Variants in PTPRD observed in about 807,000 individuals in gnomAD.
PTPRD encodes the protein protein tyrosine phosphatase receptor type D.
A neutral mutation model predicts 214.5 loss-of-function variants in PTPRD; 34 were observed. The ratio of observed to expected loss-of-function variants is 0.16; its 90% CI spans 0.12 to 0.21. The LOEUF (loss-of-function observed/expected upper bound fraction) is 0.21. Among genes scored for constraint, PTPRD ranks in the 10% least tolerant of loss-of-function variants. The probability of loss-of-function intolerance (pLI) is 1.00; values close to 1 mark genes in which losing one functional copy is unlikely to be tolerated. For missense variants in PTPRD, 2,545 were observed against 2,398.7 expected, an observed-to-expected ratio of 1.06 and a Z score of -1.27; for synonymous variants, 1,128 against 845.7, an observed-to-expected ratio of 1.33 and a Z score of -5.79.
chr9:9,189,990 G>A (rs59033848), intron 9 of PTPRD, among the ~76,000 whole-genome samples: 2,205 of 152,060 alleles, frequency 0.015, 37 homozygotes, highest in African/African-American at 0.035. Flanking sequence ...CCCCTTCCTC[G>A]CTCCTGGCAC....
chr9:8,583,463 G>A (rs1355731840), intron 14 of PTPRD, among the ~76,000 whole-genome samples: 3 of 151,984 alleles, frequency 2.0e-5, no homozygotes, highest in African/African-American at 7.3e-5. Flanking sequence ...AGGACAACAG[G>A]CACAAGCCAC....
intron 9 of PTPRD, among the ~76,000 whole-genome samples, chr9:9,336,147 C>T (rs1012997102): frequency 1.3e-5 from 2 of 149,696 alleles, no homozygotes; most frequent in African/African-American, 2.5e-5. Flanking sequence ...GCTTTGTAAC[C>T]GCCTCATAAG....
intron 11 of PTPRD, among the ~76,000 whole-genome samples, chr9:8,905,465 G>T (rs1023662250): frequency 6.6e-6 from 1 of 152,082 alleles, no homozygotes; most frequent in Non-Finnish European, 1.5e-5. Context: ...CCAGCCGGAC[G>T]TCGTGGCTCA....
In PTPRD at chr9:10,401,901, A is replaced by C. The variant is rs572479109; in HGVS notation, c.-599-60884T>G. Among the ~76,000 whole-genome samples the C allele has an allele frequency of 5.9e-5, 9 of 151,368 alleles. No individual in the cohort carries two copies. The East Asian group carries it at 1.8e-3, about 30-fold the overall frequency. Reference sequence around the variant, plus strand: ...CACTTTAATATATTTACATCTGATAATCATATTTGCCAGTTTATGAATTTG... The same window carrying C: ...CACTTTAATATATTTACATCTGATACTCATATTTGCCAGTTTATGAATTTG... On this transcript the variant is annotated intron_variant, in intron 2 of 45. Transcript: ENST00000381196.
At position 10,098,925 on chromosome 9, in the gene PTPRD, AAAATTGGAGCAAGAAGTC is replaced by A. The variant is rs553310822; in HGVS notation, c.-544-65153_-544-65136del. 2.8e-4 allele frequency among the ~76,000 whole-genome samples: 43 copies of A among 151,878 alleles called. 1 individual carries two copies. In the East Asian group the frequency reaches 8.4e-3, roughly 30 times the overall value. On this transcript the variant is annotated intron_variant, in intron 3 of 45. Coordinates refer to ENST00000381196, the MANE Select transcript of PTPRD (RefSeq NM_002839.4). ...ATATTTTTCTCATTTCTACAGGTTA[AAAATTGGAGCAAGAAGTC>A]AAATAGAATTTCATAGACAGCAAAA...
intron 4 of PTPRD, among the ~76,000 whole-genome samples, chr9:9,988,941 C>A (rs1007060113): frequency 1.4e-5 from 2 of 139,228 alleles, no homozygotes; most frequent in Non-Finnish European, 3.0e-5. Context: ...ACCTTCTGGA[C>A]CAATGACTGT....
intron 39 of PTPRD, among the ~76,000 whole-genome samples, chr9:8,368,042 C>T (rs2080423411): frequency 6.6e-6 from 1 of 152,160 alleles, no homozygotes; most frequent in South Asian, 2.1e-4. Flanking sequence ...GCAGAGTTTT[C>T]ACTACCATAC....
At chr9:8,707,701 G>A (rs1339095474) in intron 12 of PTPRD, among the ~76,000 whole-genome samples, 2 of 152,154 alleles carry the variant, frequency 1.3e-5, no homozygotes, top group African/African-American at 4.8e-5. Flanking sequence ...TCCTCACAGA[G>A]AGAAAAGGTC....
chr9:8,869,207 GAA>G (rs1239209671), intron 11 of PTPRD, among the ~76,000 whole-genome samples: 1 of 152,166 alleles, frequency 6.6e-6, no homozygotes, highest in African/African-American at 2.4e-5. Context: ...TTCTGAGAGA[GAA>G]AGATATTGCT....
intron 9 of PTPRD, among the ~76,000 whole-genome samples, chr9:9,200,899 A>G (rs577208445): frequency 2.3e-4 from 35 of 152,342 alleles, no homozygotes; most frequent in Admixed American, 7.8e-4. Flanking sequence ...CTATTGTAGA[A>G]ATCCTTTCCT....
intron 2 of PTPRD, among the ~76,000 whole-genome samples, chr9:10,384,345 T>A (rs1017378533): frequency 1.3e-5 from 2 of 151,738 alleles, no homozygotes; most frequent in African/African-American, 4.8e-5. Flanking sequence ...TATTTTAAAA[T>A]GTGGTAGGTA....
At chr9:9,419,070 T>C (rs1052823940) in intron 8 of PTPRD, among the ~76,000 whole-genome samples, 1 of 150,724 alleles carries the variant, frequency 6.6e-6, no homozygotes. Context: ...GCTACAAGAG[T>C]ATTCTATTGT....
At chr9:9,358,853 G>C (rs1249934312) in intron 9 of PTPRD, among the ~76,000 whole-genome samples, 2 of 151,280 alleles carry the variant, frequency 1.3e-5, no homozygotes, top group Admixed American at 6.6e-5. Context: ...GGAAACTCAA[G>C]GCGAGACGAA....
chr9:9,140,611 C>G (rs1263713281), intron 10 of PTPRD, among the ~76,000 whole-genome samples: 1 of 152,192 alleles, frequency 6.6e-6, no homozygotes, highest in Non-Finnish European at 1.5e-5. Flanking sequence ...CGGAGTCTCG[C>G]TCTGTCGCCC....
At chr9:10,063,874 T>C (rs1303806536) in intron 3 of PTPRD, among the ~76,000 whole-genome samples, 1 of 151,928 alleles carries the variant, frequency 6.6e-6, no homozygotes, top group Non-Finnish European at 1.5e-5. Flanking sequence ...AATCTCTAGC[T>C]CCCAGTGGAT....
intron 4 of PTPRD, among the ~76,000 whole-genome samples, chr9:9,972,976 T>C (rs114311419): frequency 0.013 from 2,026 of 152,218 alleles, 38 homozygotes; most frequent in African/African-American, 0.045. Context: ...AATTAAGGCA[T>C]AGACATCTTT....
At chr9:8,346,482 A>C (rs1857720817) in intron 39 of PTPRD, among the ~76,000 whole-genome samples, 1 of 152,146 alleles carries the variant, frequency 6.6e-6, no homozygotes, top group Non-Finnish European at 1.5e-5. Flanking sequence ...AAATTCCAGA[A>C]ATAAGTTTTC....
In PTPRD at chr9:8,770,053, G is replaced by A. The variant is rs548358964; in HGVS notation, c.-103-36107C>T. 8.5e-5 allele frequency among the ~76,000 whole-genome samples: 13 copies of A among 152,140 alleles called. 1 individual carries two copies. Among genetic ancestry groups the A allele is most frequent in the Admixed American group, 1.3e-4 (2 of 15,274 alleles). ...CCCAGCACTTTGGGAGGCCGAGGCC[G>A]GTGGATCACCTGAGGTCAGGAGTTT... On this transcript the variant is annotated intron_variant, in intron 11 of 45. Coordinates refer to ENST00000381196, the MANE Select transcript of PTPRD (RefSeq NM_002839.4).
chr9:10,497,301 G>C (rs1463428841), intron 2 of PTPRD, among the ~76,000 whole-genome samples: 1 of 151,880 alleles, frequency 6.6e-6, no homozygotes, highest in Non-Finnish European at 1.5e-5. Context: ...TAAAATTAAA[G>C]TTGAATTTTA....
Sources: gnomAD v4.1 joint callset for allele counts (sites outside exome capture counted in the v4.1 genomes callset) on GRCh38, gnomAD v4.1.1 for gene constraint, MANE v1.5 for transcripts, NCBI Gene and HGNC (gene_info 2026-07-23, HGNC 2026-07-21) for gene names.